The following PCDHGA3 variants were observed in gnomAD, a reference collection of about 807,000 sequenced individuals.
The protein encoded by PCDHGA3 is protocadherin gamma subfamily A, 3.
A neutral mutation model predicts 58.5 loss-of-function variants in PCDHGA3; 40 were observed. The ratio of observed to expected loss-of-function variants is 0.68; its 90% CI spans 0.53 to 0.89. The LOEUF (loss-of-function observed/expected upper bound fraction) is 0.89, where lower values mean the gene tolerates loss of function less well. Ranked by LOEUF, PCDHGA3 falls within the 40% of genes least tolerant of loss-of-function variation. The pLI, the probability that PCDHGA3 is intolerant of heterozygous loss-of-function variation, is 0.00. For synonymous variants in PCDHGA3, 530 were observed against 525.7 expected (o/e 1.01, Z -0.11); for missense variants, 1,223 against 1,195.9 (o/e 1.02, Z -0.33).
In PCDHGA3 at chr5:141,493,521, G is replaced by A. The variant is rs967636266; in HGVS notation, c.2425-1286G>A. Among the ~76,000 whole-genome samples the A allele has an allele frequency of 3.9e-5, 6 of 152,242 alleles. No homozygotes were observed. In the East Asian group the frequency reaches 7.7e-4, roughly 20 times the overall value. The stretch of plus-strand genomic sequence containing the variant: ...CTCATTTCTGAGCAGTCCCCGCAGC[G>A]CAAACTTGGCCAGTTATCCTTTTGG... On this transcript the variant is annotated intron_variant, in intron 1 of 3. Coordinates refer to ENST00000253812, the MANE Select transcript of PCDHGA3 (RefSeq NM_018916.4). This position sits in a 1 kb window ranked among gnomAD's most constrained non-coding sequence, Gnocchi z 4.3.
intron 1 of PCDHGA3, chr5:141,427,790 C>A: frequency 1.3e-6 from 2 of 1,482,222 alleles, no homozygotes; most frequent in Non-Finnish European, 1.9e-6. Context: ...TGTCGTCCTA[C>A]GTGTCCGTGA....
intron 1 of PCDHGA3, chr5:141,408,080 C>G: frequency 7.1e-7 from 1 of 1,412,844 alleles, no homozygotes; most frequent in Non-Finnish European, 9.3e-7. Flanking sequence ...TTTCCCAGCA[C>G]AGCGGATTGC....
In PCDHGA3 at chr5:141,345,386, C is replaced by A; in HGVS notation, c.1353C>A (p.Thr451=). 6.2e-7 allele frequency: 1 copy of A among 1,614,122 alleles called. No homozygotes were observed. Among genetic ancestry groups the A allele is most frequent in the Non-Finnish European group, 8.5e-7 (1 of 1,180,030 alleles). The change falls in exon 1 of 4, where the codon ACC becomes ACA. Residue 451 remains threonine (T), a synonymous_variant. Coordinates refer to ENST00000253812, the MANE Select transcript of PCDHGA3 (RefSeq NM_018916.4). ...TTGACATCAATGACAACCCACCCAC[C>A]TTCCCTCATTTATCCTACTCCGCCT... ...HVIDINDNPP[T]FPHLSYSAYI...
At chr5:141,403,721 C>G (rs748888364) in intron 1 of PCDHGA3, 2 of 1,613,872 alleles carry the variant, frequency 1.2e-6, no homozygotes, top group East Asian at 2.2e-5. Flanking sequence ...GAACGTGCCC[C>G]CAGGCACCTG....
intron 1 of PCDHGA3, chr5:141,392,138 G>C (rs1212519982): frequency 6.6e-6 from 1 of 152,142 alleles, no homozygotes; most frequent in Non-Finnish European, 1.5e-5. Context: ...TGATTAAGTA[G>C]TTTAAACCAA....
chr5:141,457,481 G>T (rs990111430), intron 1 of PCDHGA3, among the ~76,000 whole-genome samples: 1 of 152,212 alleles, frequency 6.6e-6, no homozygotes, highest in African/African-American at 2.4e-5. Context: ...CAGGGCCAGG[G>T]TTAGTCTAAA....
At position 141,344,606 on chromosome 5, in the gene PCDHGA3, T is replaced by A. The variant is rs1040191398; in HGVS notation, c.573T>A (p.Tyr191Ter). The A allele has an allele frequency of 1.1e-5, 18 of 1,613,934 alleles. No homozygotes were observed. Among genetic ancestry groups the A allele is most frequent in the Non-Finnish European group, 1.4e-5 (16 of 1,179,882 alleles). The change falls in exon 1 of 4, where the codon TAT becomes TAA. Residue 191 changes from tyrosine (Y) to a stop codon, truncating the protein, a stop_gained. Coordinates refer to ENST00000253812, the MANE Select transcript of PCDHGA3 (RefSeq NM_018916.4). LOFTEE classifies it high-confidence loss of function. ...AVNSVSEGAK[Y>*]PELVLERALD... The stretch of plus-strand genomic sequence containing the variant: ...ATAGCGTCTCTGAGGGGGCCAAGTA[T>A]CCAGAGCTGGTGCTGGAGCGGGCCC...
intron 1 of PCDHGA3, among the ~76,000 whole-genome samples, chr5:141,407,257 T>C (rs1325198387): frequency 1.3e-5 from 2 of 152,240 alleles, no homozygotes; most frequent in Non-Finnish European, 2.9e-5. Context: ...CTCATATTTT[T>C]AACCATGCAA....
In PCDHGA3 at chr5:141,346,315, C is replaced by A. The variant is rs771032536; in HGVS notation, c.2282C>A (p.Ala761Glu). The change falls in exon 1 of 4, where the codon GCG becomes GAG. Residue 761 changes from alanine (A) to glutamate (E), a missense_variant. This residue lies in a region of PCDHGA3 where 325 missense variants were observed against 327.5 expected (regional missense o/e 0.99). Transcript: ENST00000253812. Reference sequence around the variant, plus strand: ...TATTCCCACGAGGTCTCCCTCACTGCGGACTCGCGGAAGAGCCACCTGATT... The same window carrying A: ...TATTCCCACGAGGTCTCCCTCACTGAGGACTCGCGGAAGAGCCACCTGATT... ...QTYSHEVSLT[A>E]DSRKSHLIFP... 15 of 1,614,102 alleles carry A rather than the reference C, an allele frequency of 9.3e-6. No homozygotes were observed. The highest frequency in any genetic ancestry group is 1.2e-5 in the Non-Finnish European group (14 of 1,180,052).
rs1440733700 is a variant in PCDHGA3 at position 141,441,803 on chromosome 5, G to A, written c.2425-53004G>A. 249 of 383,164 alleles carry A rather than the reference G, an allele frequency of 6.5e-4. 2 individuals carry two copies. Among genetic ancestry groups the A allele is most frequent in the African/African-American group, 4.8e-3 (220 of 45,902 alleles). The allele number at this position is 383,164 out of a possible 1,614,324, so 23.7% of individuals were successfully genotyped here. The stretch of plus-strand genomic sequence containing the variant: ...ACCTGAATGACAACGCACCGCGGGT[G>A]CTGTACCCCAGCTCTGGAGCGCAAT... On this transcript the variant is annotated intron_variant, in intron 1 of 3. Coordinates refer to ENST00000253812, the MANE Select transcript of PCDHGA3 (RefSeq NM_018916.4).
intron 2 of PCDHGA3, among the ~76,000 whole-genome samples, chr5:141,497,977 G>A (rs1368982839): frequency 6.6e-6 from 1 of 152,216 alleles, no homozygotes; most frequent in Admixed American, 6.5e-5. Context: ...CTCGATGTGG[G>A]AGGCCCCTGC....
chr5:141,430,756 A>G (rs747363475), intron 1 of PCDHGA3: 1 of 1,503,228 alleles, frequency 6.7e-7, no homozygotes, highest in Non-Finnish European at 8.9e-7. Flanking sequence ...GGAGGAAGAT[A>G]AGAATGATTC....
At chr5:141,385,401 T>C in intron 1 of PCDHGA3, 1 of 1,490,222 alleles carries the variant, frequency 6.7e-7, no homozygotes, top group Non-Finnish European at 8.9e-7. Context: ...AAACAAATGT[T>C]TTGAAAATAG....
rs1327610213 is a variant in PCDHGA3 at position 141,423,493 on chromosome 5, C to T, written c.2425-71314C>T. 5 of 1,613,984 alleles carry T rather than the reference C, an allele frequency of 3.1e-6. No homozygotes were observed. In the South Asian group the frequency reaches 5.5e-5, roughly 18 times the overall value. On this transcript the variant is annotated intron_variant, in intron 1 of 3. Coordinates refer to ENST00000253812, the MANE Select transcript of PCDHGA3 (RefSeq NM_018916.4). The stretch of plus-strand genomic sequence containing the variant: ...ACAGGCTTTCCTGCAAACCTATTCC[C>T]ACGAGGTCTCTCTCATTGCGGACTC...
chr5:141,459,617 A>G (rs900986636), intron 1 of PCDHGA3, among the ~76,000 whole-genome samples: 2 of 152,258 alleles, frequency 1.3e-5, no homozygotes, highest in African/African-American at 2.4e-5. Flanking sequence ...GCTTAACTTT[A>G]TAAGAAGCTG....
intron 1 of PCDHGA3, chr5:141,355,415 C>G (rs753835027): frequency 6.2e-7 from 1 of 1,614,096 alleles, no homozygotes; most frequent in South Asian, 1.1e-5. Context: ...AGAGGTAGGA[C>G]GCAGCTTTTC....
chr5:141,414,429 G>A (rs1372056104), intron 1 of PCDHGA3: 1 of 1,613,860 alleles, frequency 6.2e-7, no homozygotes, highest in Non-Finnish European at 8.5e-7. Flanking sequence ...ACAGGGAACA[G>A]GTATCCTCTT....
At chr5:141,385,016 C>A (rs536780147) in intron 1 of PCDHGA3, 4 of 1,614,186 alleles carry the variant, frequency 2.5e-6, no homozygotes, top group Non-Finnish European at 3.4e-6. Flanking sequence ...GTCTTCCTAG[C>A]CTTCGTCCTC....
At chr5:141,430,261 A>T (rs1236197353) in intron 1 of PCDHGA3, among the ~76,000 whole-genome samples, 1 of 152,104 alleles carries the variant, frequency 6.6e-6, no homozygotes, top group African/African-American at 2.4e-5. Context: ...CATCTCCATA[A>T]TAGGTGTGTT....
Sources: allele counts gnomAD v4.1 joint callset (sites outside exome capture counted in the v4.1 genomes callset), GRCh38; gene constraint gnomAD v4.1.1; regional missense constraint gnomAD v4.1.1; non-coding constraint Gnocchi (gnomAD v3.1); transcripts MANE v1.5; gene names NCBI Gene and HGNC (gene_info 2026-07-23, HGNC 2026-07-21).